PPFIBP1: variants seen among roughly 807,000 people sequenced by gnomAD.
PPFIBP1 encodes liprin-beta-1.
In PPFIBP1, 112 loss-of-function variants were observed where a neutral mutation model predicts 137.8. The observed-to-expected ratio is 0.81, with a 90% CI of 0.70 to 0.95. The LOEUF (loss-of-function observed/expected upper bound fraction) is 0.95, where lower values mean the gene tolerates loss of function less well. PPFIBP1 is among the 40% of genes least tolerant of loss of function. PPFIBP1 has a pLI of 0.00. For missense variants in PPFIBP1, 1,083 were observed against 1,196.6 expected (o/e 0.91, Z 1.40); for synonymous variants, 378 against 417.3 (o/e 0.91, Z 1.15).
At chr12:27,541,422 C>T (rs886365905) in intron 1 of PPFIBP1, among the ~76,000 whole-genome samples, 5 of 152,064 alleles carry the variant, frequency 3.3e-5, no homozygotes, top group Non-Finnish European at 5.9e-5. Flanking sequence ...TGACTGAAAC[C>T]AGCGGCTTGC....
chr12:27,656,551 T>C, intron 8 of PPFIBP1, 65 bp from the exon 9 acceptor site: 2 of 964,292 alleles, frequency 2.1e-6, no homozygotes, highest in Non-Finnish European at 3.4e-6. Flanking sequence ...AAAGAGCTAA[T>C]ATGCTCTCTG....
intron 2 of PPFIBP1, among the ~76,000 whole-genome samples, chr12:27,630,939 T>C (rs2057220273): frequency 6.6e-6 from 1 of 152,192 alleles, no homozygotes; most frequent in Non-Finnish European, 1.5e-5. Context: ...TGTTCCTTCA[T>C]TACTGCCTTT....
intron 13 of PPFIBP1, 54 bp from the exon 14 acceptor site, chr12:27,671,377 G>A: frequency 1.0e-6 from 1 of 993,466 alleles, no homozygotes. Context: ...AAATTACTCT[G>A]TGGCTTGTGT....
chr12:27,587,354 G>A (rs1399512213), intron 2 of PPFIBP1, among the ~76,000 whole-genome samples: 1 of 152,104 alleles, frequency 6.6e-6, no homozygotes, highest in Non-Finnish European at 1.5e-5. Flanking sequence ...AGGCGCAGTG[G>A]CTCACGTCTG....
intron 1 of PPFIBP1, among the ~76,000 whole-genome samples, chr12:27,557,814 G>T (rs1264303922): frequency 6.6e-6 from 1 of 152,196 alleles, no homozygotes; most frequent in African/African-American, 2.4e-5. Context: ...AATGAGTGAT[G>T]CAGATGTATT....
intron 1 of PPFIBP1, among the ~76,000 whole-genome samples, chr12:27,554,091 T>C (rs1024141359): frequency 6.6e-6 from 1 of 152,200 alleles, no homozygotes; most frequent in African/African-American, 2.4e-5. Context: ...TGCTTAGATG[T>C]ATATTACGGT....
At chr12:27,545,674 C>T (rs149503397) in intron 1 of PPFIBP1, among the ~76,000 whole-genome samples, 51 of 152,286 alleles carry the variant, frequency 3.3e-4, no homozygotes, top group African/African-American at 1.1e-3. Context: ...TCTCTTCAGT[C>T]CAGACATTTT....
chr12:27,687,840 T>A (rs1360197834), intron 25 of PPFIBP1, among the ~76,000 whole-genome samples: 3 of 152,138 alleles, frequency 2.0e-5, no homozygotes, highest in African/African-American at 7.2e-5. Flanking sequence ...CCCAGCACTT[T>A]GGGAGGCCAA....
intron 1 of PPFIBP1, among the ~76,000 whole-genome samples, chr12:27,531,058 A>T (rs531172696): frequency 1.3e-5 from 2 of 152,332 alleles, no homozygotes; most frequent in African/African-American, 4.8e-5. Flanking sequence ...CTGAGTCTAG[A>T]TGTCTAAAAA....
At chr12:27,606,664 A>G (rs549690255) in intron 2 of PPFIBP1, among the ~76,000 whole-genome samples, 4 of 152,346 alleles carry the variant, frequency 2.6e-5, no homozygotes, top group Admixed American at 2.0e-4. Flanking sequence ...TGAAAAATCA[A>G]TTCCGTAAGT....
intron 19 of PPFIBP1, among the ~76,000 whole-genome samples, chr12:27,678,235 G>T (rs1404762459): frequency 6.6e-6 from 1 of 152,160 alleles, no homozygotes; most frequent in East Asian, 1.9e-4. Flanking sequence ...GCTAGTATGG[G>T]ATTGTCCACT....
At chr12:27,567,577 T>A (rs1458553428) in intron 1 of PPFIBP1, among the ~76,000 whole-genome samples, 1 of 152,158 alleles carries the variant, frequency 6.6e-6, no homozygotes, top group African/African-American at 2.4e-5. Context: ...GGAGGATAGA[T>A]GGAACCAGAT....
At chr12:27,636,262 T>TA (rs1306036421) in intron 4 of PPFIBP1, 37 of 26,680 alleles carry the variant, frequency 1.4e-3, no homozygotes, top group Non-Finnish European at 9.4e-5. Context: ...CAAACTGGAG[T>TA]TATTTTACTT....
At chr12:27,687,293 TCTC>T in intron 24 of PPFIBP1, 89 bp from the exon 25 acceptor site, 1 of 1,474,264 alleles carries the variant, frequency 6.8e-7, no homozygotes, top group Non-Finnish European at 9.1e-7. Flanking sequence ...GAGGGGCTCT[TCTC>T]CTTTTACTCC....
chr12:27,547,175 G>T (rs1946316048), intron 1 of PPFIBP1: 1 of 152,172 alleles, frequency 6.6e-6, no homozygotes, highest in African/African-American at 2.4e-5. Flanking sequence ...GATGGTTAAG[G>T]TTGGGAACCC....
At chr12:27,643,450 T>C (rs1290980332) in intron 4 of PPFIBP1, among the ~76,000 whole-genome samples, 3 of 132,646 alleles carry the variant, frequency 2.3e-5, no homozygotes, top group African/African-American at 6.4e-5. Flanking sequence ...TGAAGGTTCA[T>C]GTAGATACTG....
At chr12:27,567,117 C>T (rs575254841) in intron 1 of PPFIBP1, among the ~76,000 whole-genome samples, 7 of 152,166 alleles carry the variant, frequency 4.6e-5, no homozygotes, top group South Asian at 2.1e-4. Context: ...AATTAACCTA[C>T]GTGAATTTTA....
chr12:27,533,368 G>A (rs1444969994), intron 1 of PPFIBP1, among the ~76,000 whole-genome samples: 2 of 152,244 alleles, frequency 1.3e-5, no homozygotes, highest in African/African-American at 2.4e-5. Context: ...TATGTACCAA[G>A]CACTACTCTA....
At chr12:27,558,260 T>TC (rs2048859383) in intron 1 of PPFIBP1, among the ~76,000 whole-genome samples, 1 of 143,488 alleles carries the variant, frequency 7.0e-6, no homozygotes, top group Non-Finnish European at 1.5e-5. Flanking sequence ...TTCTGGGTTT[T>TC]TTTTTTGTTT....
Sources: gnomAD v4.1 joint callset for allele counts (sites outside exome capture counted in the v4.1 genomes callset) on GRCh38, gnomAD v4.1.1 for gene constraint, MANE v1.5 for transcripts, NCBI Gene and HGNC (gene_info 2026-07-23, HGNC 2026-07-21) for gene names.